Variants in PRXL2B observed in about 807,000 individuals in gnomAD.
The protein encoded by PRXL2B is peroxiredoxin like 2B.
A neutral mutation model predicts 24.4 loss-of-function variants in PRXL2B; 26 were observed. The ratio of observed to expected loss-of-function variants is 1.07; its 90% CI spans 0.78 to 1.48. PRXL2B has a LOEUF of 1.48. Among genes scored for constraint, PRXL2B ranks in the 40% most tolerant of loss-of-function variants. The probability of loss-of-function intolerance (pLI) is 0.00; values close to 1 mark genes in which losing one functional copy is unlikely to be tolerated. For synonymous variants in PRXL2B, 115 were observed against 118.9 expected (o/e 0.97, Z 0.21); for missense variants, 269 against 264.8 (o/e 1.02, Z -0.11).
At chr1:2,589,201 G>A (rs1409002828) in intron 6 of PRXL2B, among the ~76,000 whole-genome samples, 161 bp downstream of exon 6, 6 of 152,242 alleles carry the variant, frequency 3.9e-5, no homozygotes, top group African/African-American at 7.2e-5. Context: ...CTTGCAGAGT[G>A]GGGCAGGCTG....
chr1:2,589,404 C>T lies in PRXL2B; in HGVS notation c.580-6C>T. On this transcript the variant is annotated splice_polypyrimidine_tract_variant and splice_region_variant and intron_variant, in intron 6 of 6. Coordinates refer to ENST00000419916, the MANE Select transcript of PRXL2B (RefSeq NM_152371.5). The stretch of plus-strand genomic sequence containing the variant: ...GCGGCCCCATGGGACCCTGCTGTCC[C>T]CACAGTGTGACAGAGAGGTGTGAGG... The T allele has an allele frequency of 6.2e-7, 1 of 1,613,482 alleles. No homozygotes were observed.
At chr1:2,588,214 C>T (rs1644574917) in intron 3 of PRXL2B, 176 bp from the exon 4 acceptor site, 2 of 817,424 alleles carry the variant, frequency 2.4e-6, no homozygotes. Flanking sequence ...GCTCGGTGTC[C>T]AACCTGCCGG....
rs773642404 is a variant in PRXL2B at position 2,587,321 on chromosome 1, G to A, written c.268+26G>A. ...GTGCGTCCTGTTCCCCGCCGCGGCGGCGCACATACCCTTCCCTAAGCTCAG... is the reference window on the plus strand; with the variant it reads ...GTGCGTCCTGTTCCCCGCCGCGGCGACGCACATACCCTTCCCTAAGCTCAG... On this transcript the variant is annotated intron_variant, in intron 2 of 6. Transcript: ENST00000419916. The surrounding 1 kb of genome is among the most constrained non-coding windows in gnomAD (Gnocchi z 6.1). 6.5e-7 allele frequency: 1 copy of A among 1,543,764 alleles called. No individual in the cohort carries two copies. The highest frequency in any genetic ancestry group is 8.7e-7 in the Non-Finnish European group (1 of 1,150,670).
In PRXL2B at chr1:2,591,048, G is replaced by A. The variant is rs143215062; in HGVS notation, c.*1621G>A. Reference sequence around the variant, plus strand: ...GGGGGTGCCCCGGGCACAGTGGAACGTGTCTGCGAAGGCGGCCAGGTTCTG... The same window carrying A: ...GGGGGTGCCCCGGGCACAGTGGAACATGTCTGCGAAGGCGGCCAGGTTCTG... On this transcript the variant is annotated 3_prime_UTR_variant, in exon 7 of 7. Transcript: ENST00000419916. The A allele has an allele frequency of 1.7e-5, 27 of 1,606,812 alleles. No homozygotes were observed. In the Middle Eastern group the frequency reaches 5.3e-4, roughly 32 times the overall value.
In PRXL2B at chr1:2,589,710, C is replaced by T. The variant is rs1644634155; in HGVS notation, c.*283C>T. On this transcript the variant is annotated 3_prime_UTR_variant, in exon 7 of 7. Coordinates refer to ENST00000419916, the MANE Select transcript of PRXL2B (RefSeq NM_152371.5). ...CAGGTGTCATCTTCCTGCTCTGCGA[C>T]TTTCTCTGGAGACCTTGGGCCTTTG... is the stretch of plus-strand genomic sequence containing the variant. 1.8e-6 allele frequency: 1 copy of T among 561,776 alleles called. No homozygotes were observed. The highest frequency in any genetic ancestry group is 3.2e-6 in the Non-Finnish European group (1 of 315,584). The allele number at this position is 561,776 out of a possible 1,614,324, so 34.8% of individuals were successfully genotyped here. A position where few individuals can be genotyped will look rare whatever the true frequency, so the allele number is the denominator to read the frequency against.
intron 3 of PRXL2B, 21 bp from the exon 4 acceptor site, chr1:2,588,369 A>G (rs1393543684): frequency 1.2e-6 from 2 of 1,614,112 alleles, no homozygotes; most frequent in South Asian, 2.2e-5. Flanking sequence ...AGTTTGGCCA[A>G]GCGACCTGGT....
chr1:2,591,062 G>A lies in PRXL2B; in HGVS notation c.*1635G>A, dbSNP rs750776584. On this transcript the variant is annotated 3_prime_UTR_variant, in exon 7 of 7. Transcript: ENST00000419916. Reference sequence around the variant, plus strand: ...CACAGTGGAACGTGTCTGCGAAGGCGGCCAGGTTCTGCAGCGACCCCAGTA... The same window carrying A: ...CACAGTGGAACGTGTCTGCGAAGGCAGCCAGGTTCTGCAGCGACCCCAGTA... 2.6e-5 allele frequency: 41 copies of A among 1,605,624 alleles called. No individual in the cohort carries two copies. The highest frequency in any genetic ancestry group is 2.0e-4 in the South Asian group (18 of 89,424).
chr1:2,587,409 G>A lies in PRXL2B; in HGVS notation c.268+114G>A. 1 of 1,234,630 alleles carries A rather than the reference G, an allele frequency of 8.1e-7. No homozygotes were observed. Among genetic ancestry groups the A allele is most frequent in the Non-Finnish European group, 1.1e-6 (1 of 885,156 alleles). 76.5% of individuals were successfully genotyped at this position (1,234,630 alleles called of 1,614,324 possible). A position where few individuals can be genotyped will look rare whatever the true frequency, so the allele number is the denominator to read the frequency against. On this transcript the variant is annotated intron_variant, in intron 2 of 6. Transcript: ENST00000419916. This position sits in a 1 kb window ranked among gnomAD's most constrained non-coding sequence, Gnocchi z 6.1. ...CTGTCTGCTGGAGCGGCCTTGATAT[G>A]CCCACGGGTCAGCGTCCCTCATCTC... is the stretch of plus-strand genomic sequence containing the variant.
chr1:2,587,148 C>T lies in PRXL2B; in HGVS notation c.121C>T (p.Arg41Cys). 6.5e-7 allele frequency: 1 copy of T among 1,543,224 alleles called. No individual in the cohort carries two copies. The highest frequency in any genetic ancestry group is 1.4e-5 in the African/African-American group (1 of 73,432). ...CGCGTGCGTGGTGGCCGGGCTGCGG[C>T]GCTTCGGGTGCGTGGTGTGCCGCTG... is the stretch of plus-strand genomic sequence containing the variant. ...EHACVVAGLR[R>C]FGCVVCRWIA... The change falls in exon 2 of 7, where the codon CGC becomes TGC. Residue 41 changes from arginine (R) to cysteine (C), a missense_variant. Arg to Cys is a radical substitution (Grantham distance 180). Transcript: ENST00000419916. The surrounding 1 kb of genome is among the most constrained non-coding windows in gnomAD (Gnocchi z 6.1).
At position 2,587,174 on chromosome 1, in the gene PRXL2B, GATC is replaced by G; in HGVS notation, c.148_150del (p.Ile50del). The stretch of plus-strand genomic sequence containing the variant: ...GCTTCGGGTGCGTGGTGTGCCGCTG[GATC>G]GCCCAGGACCTCAGCAGCCTTGCTG... On this transcript the variant is annotated inframe_deletion, in exon 2 of 7. Coordinates refer to ENST00000419916, the MANE Select transcript of PRXL2B (RefSeq NM_152371.5). This position sits in a 1 kb window ranked among gnomAD's most constrained non-coding sequence, Gnocchi z 6.1. 1 of 1,557,868 alleles carries G rather than the reference GATC, an allele frequency of 6.4e-7. No individual in the cohort carries two copies. Among genetic ancestry groups the G allele is most frequent in the Non-Finnish European group, 8.6e-7 (1 of 1,158,830 alleles).
rs1644528066 is a variant in PRXL2B at position 2,586,836 on chromosome 1, C to CG, written c.-46dup. ...GGATCCAGGAGCGAGGAGCCGGGAG[C>CG]GGGGAACAGGGAGTCGGGGAGCCGG... On this transcript the variant is annotated 5_prime_UTR_variant, in exon 1 of 7. Coordinates refer to ENST00000419916, the MANE Select transcript of PRXL2B (RefSeq NM_152371.5). 1 of 1,276,080 alleles carries CG rather than the reference C, an allele frequency of 7.8e-7. No homozygotes were observed. The highest frequency in any genetic ancestry group is 1.5e-5 in the African/African-American group (1 of 64,654). The allele number at this position is 1,276,080 out of a possible 1,614,324, so 79.0% of individuals were successfully genotyped here.
Position 2,587,169 on chromosome 1 carries a change from C to A in PRXL2B, c.142C>A (p.Arg48Ser), listed in dbSNP as rs745931744. 2.6e-6 allele frequency: 4 copies of A among 1,554,814 alleles called. No homozygotes were observed. The highest frequency in any genetic ancestry group is 8.6e-7 in the Non-Finnish European group (1 of 1,157,366). Residue 48 changes from arginine (R) to serine (S), a missense_variant, in exon 2 of 7, where the codon CGC becomes AGC. Physicochemically the swap from Arg to Ser is moderately radical, Grantham distance 110. Coordinates refer to ENST00000419916, the MANE Select transcript of PRXL2B (RefSeq NM_152371.5). This position sits in a 1 kb window ranked among gnomAD's most constrained non-coding sequence, Gnocchi z 6.1. ...GLRRFGCVVC[R>S]WIAQDLSSLA... Reference sequence around the variant, plus strand: ...GCGGCGCTTCGGGTGCGTGGTGTGCCGCTGGATCGCCCAGGACCTCAGCAG... The same window carrying A: ...GCGGCGCTTCGGGTGCGTGGTGTGCAGCTGGATCGCCCAGGACCTCAGCAG...
chr1:2,587,605 C>G lies in PRXL2B; in HGVS notation c.269-136C>G. 1 of 1,061,342 alleles carries G rather than the reference C, an allele frequency of 9.4e-7. No homozygotes were observed. Among genetic ancestry groups the G allele is most frequent in the African/African-American group, 1.6e-5 (1 of 63,662 alleles). 65.7% of individuals were successfully genotyped at this position (1,061,342 alleles called of 1,614,324 possible). Reference sequence around the variant, plus strand: ...CTCAGCCCCGTTTTACCCCTCCCTGCCCTGCGGGGGTGGGCTGAGCACGGA... The same window carrying G: ...CTCAGCCCCGTTTTACCCCTCCCTGGCCTGCGGGGGTGGGCTGAGCACGGA... On this transcript the variant is annotated intron_variant, in intron 2 of 6. Coordinates refer to ENST00000419916, the MANE Select transcript of PRXL2B (RefSeq NM_152371.5). The surrounding 1 kb of genome is among the most constrained non-coding windows in gnomAD (Gnocchi z 6.1).
At position 2,591,048 on chromosome 1, in the gene PRXL2B, G is replaced by T; in HGVS notation, c.*1621G>T. 1 of 1,606,812 alleles carries T rather than the reference G, an allele frequency of 6.2e-7. No individual in the cohort carries two copies. The highest frequency in any genetic ancestry group is 2.2e-5 in the East Asian group (1 of 44,586). On this transcript the variant is annotated 3_prime_UTR_variant, in exon 7 of 7. Coordinates refer to ENST00000419916, the MANE Select transcript of PRXL2B (RefSeq NM_152371.5). The stretch of plus-strand genomic sequence containing the variant: ...GGGGGTGCCCCGGGCACAGTGGAAC[G>T]TGTCTGCGAAGGCGGCCAGGTTCTG...
chr1:2,586,715 C>A (rs1405741794), upstream of PRXL2B: 1 of 1,233,406 alleles, frequency 8.1e-7, no homozygotes, highest in Admixed American at 4.3e-5. Context: ...GGGGCGGAGA[C>A]GAGCCCGAAG....
Position 2,591,155 on chromosome 1 carries a change from C to A in PRXL2B, c.*1728C>A, listed in dbSNP as rs1644689653. 5 of 1,190,016 alleles carry A rather than the reference C, an allele frequency of 4.2e-6. No homozygotes were observed. Among genetic ancestry groups the A allele is most frequent in the Non-Finnish European group, 4.7e-6 (4 of 860,186 alleles). 73.7% of individuals were successfully genotyped at this position (1,190,016 alleles called of 1,614,324 possible). On this transcript the variant is annotated 3_prime_UTR_variant, in exon 7 of 7. Coordinates refer to ENST00000419916, the MANE Select transcript of PRXL2B (RefSeq NM_152371.5). Reference sequence around the variant, plus strand: ...TGGACAAACATGGCCATTTTAAGTTCTCCGTGATTAAAAACCAGCCCAAAA... The same window carrying A: ...TGGACAAACATGGCCATTTTAAGTTATCCGTGATTAAAAACCAGCCCAAAA...
Position 2,591,078 on chromosome 1 carries a change from G to A in PRXL2B, c.*1651G>A, listed in dbSNP as rs994963746. On this transcript the variant is annotated 3_prime_UTR_variant, in exon 7 of 7. Coordinates refer to ENST00000419916, the MANE Select transcript of PRXL2B (RefSeq NM_152371.5). ...TGCGAAGGCGGCCAGGTTCTGCAGC[G>A]ACCCCAGTACCCTGTGGGTGGGTGG... is the stretch of plus-strand genomic sequence containing the variant. 10 of 1,599,668 alleles carry A rather than the reference G, an allele frequency of 6.3e-6. No homozygotes were observed. The highest frequency in any genetic ancestry group is 2.3e-5 in the South Asian group (2 of 88,290).
chr1:2,587,250 G>A lies in PRXL2B; in HGVS notation c.223G>A (p.Ala75Thr). The change falls in exon 2 of 7, where the codon GCC becomes ACC. Residue 75 changes from alanine (A) to threonine (T), a missense_variant. By Grantham distance (58) the Ala-to-Thr change is moderately conservative (BLOSUM62 0). Coordinates refer to ENST00000419916, the MANE Select transcript of PRXL2B (RefSeq NM_152371.5). The surrounding 1 kb of genome is among the most constrained non-coding windows in gnomAD (Gnocchi z 6.1). ...GCGCCTGGTGGGCGTAGGGCCCGAG[G>A]CCCTGGGTCTGCAGGAGTTCCTGGA... is the stretch of plus-strand genomic sequence containing the variant. ...GVRLVGVGPEALGLQEFLDGD... is the reference protein window; with the variant it reads ...GVRLVGVGPETLGLQEFLDGD... 6.3e-7 allele frequency: 1 copy of A among 1,578,466 alleles called. No individual in the cohort carries two copies. The highest frequency in any genetic ancestry group is 8.6e-7 in the Non-Finnish European group (1 of 1,168,448).
chr1:2,588,006 ACT>A (rs776330004), intron 3 of PRXL2B, among the ~76,000 whole-genome samples: 15 of 146,368 alleles, frequency 1.0e-4, no homozygotes, highest in Non-Finnish European at 3.0e-5. Context: ...TCCGGGGCTT[ACT>A]CTCGGTGTCC....
Sources: gnomAD v4.1 joint callset for allele counts (sites outside exome capture counted in the v4.1 genomes callset) on GRCh38, gnomAD v4.1.1 for gene constraint, Gnocchi (gnomAD v3.1) non-coding constraint, MANE v1.5 for transcripts, NCBI Gene and HGNC (gene_info 2026-07-23, HGNC 2026-07-21) for gene names.